PCDH15: variants seen among roughly 807,000 people sequenced by gnomAD.
The protein encoded by PCDH15 is protocadherin related 15.
In PCDH15, 129 loss-of-function variants were observed where a neutral mutation model predicts 178.5. The ratio of observed to expected loss-of-function variants is 0.72; its 90% confidence interval spans 0.63 to 0.84. The LOEUF is 0.84. Among genes scored for constraint, PCDH15 ranks in the 40% least tolerant of loss-of-function variants. The pLI, the probability that PCDH15 is intolerant of heterozygous loss-of-function variation, is 0.00. For synonymous variants in PCDH15, 800 were observed against 732.0 expected (o/e 1.09, Z -1.50); for missense variants, 2,230 against 2,099.9 (o/e 1.06, Z -1.21).
chr10:54,306,981 T>G (rs778769576), intron 8 of PCDH15, among the ~76,000 whole-genome samples: 13 of 136,624 alleles, frequency 9.5e-5, no homozygotes, highest in Non-Finnish European at 1.9e-4. Flanking sequence ...CCAGAGTCAT[T>G]TGGCTTGTTT....
Position 55,333,186 on chromosome 10 carries a change from T to C in PCDH15, c.-155-166535A>G, listed in dbSNP as rs141546365. Among the ~76,000 whole-genome samples the C allele has an allele frequency of 5.2e-3, 792 of 152,166 alleles. 11 individuals carry two copies. Among genetic ancestry groups the C allele is most frequent in the African/African-American group, 0.018 (746 of 41,526 alleles). ...TTAACATCATAATAAGAGAGAGAAC[T>C]CAGAATTTATGTGATTACCAATGCA... On this transcript the variant is annotated intron_variant, in intron 2 of 5. Coordinates refer to the PCDH15 transcript ENST00000613346.
intron 1 of PCDH15, among the ~76,000 whole-genome samples, chr10:54,721,520 T>G (rs57130810): frequency 0.12 from 18,519 of 151,858 alleles, 1,257 homozygotes; most frequent in African/African-American, 0.17. Flanking sequence ...AGAAGTACAA[T>G]GAGAAGTGGT....
intron 1 of PCDH15, among the ~76,000 whole-genome samples, chr10:55,301,351 T>C (rs1015737505): frequency 2.0e-5 from 3 of 152,170 alleles, no homozygotes; most frequent in African/African-American, 7.2e-5. Flanking sequence ...ATTTCCTTAA[T>C]GGCTAATGAC....
At chr10:55,187,261 C>A (rs1839824347) in intron 1 of PCDH15, among the ~76,000 whole-genome samples, 1 of 151,828 alleles carries the variant, frequency 6.6e-6, no homozygotes, top group African/African-American at 2.4e-5. Flanking sequence ...AGAGGATAAA[C>A]TCAGTATTAA....
intron 2 of PCDH15, among the ~76,000 whole-genome samples, chr10:55,434,610 A>G (rs1838989057): frequency 1.5e-5 from 1 of 64,846 alleles, no homozygotes. Flanking sequence ...TCATGACATT[A>G]ATTTTTTTTT....
At chr10:54,325,722 C>G (rs533519993) in intron 7 of PCDH15, among the ~76,000 whole-genome samples, 24 of 151,916 alleles carry the variant, frequency 1.6e-4, no homozygotes, top group Middle Eastern at 3.2e-3. Context: ...GCACTCTAGC[C>G]TGGGCAACAT....
At chr10:54,830,151 T>C (rs1249307762) in intron 3 of PCDH15, among the ~76,000 whole-genome samples, 1 of 152,168 alleles carries the variant, frequency 6.6e-6, no homozygotes, top group Non-Finnish European at 1.5e-5. Context: ...GTAAACTAGT[T>C]CAACCATTGT....
At chr10:55,107,650 C>G (rs1468498071) in intron 2 of PCDH15, among the ~76,000 whole-genome samples, 1 of 151,752 alleles carries the variant, frequency 6.6e-6, no homozygotes, top group Non-Finnish European at 1.5e-5. Context: ...CACCACCATG[C>G]CTGGCTAATT....
At chr10:55,284,673 C>T (rs1404621345) in intron 1 of PCDH15, among the ~76,000 whole-genome samples, 1 of 151,810 alleles carries the variant, frequency 6.6e-6, no homozygotes, top group Non-Finnish European at 1.5e-5. Context: ...CTTTACTATC[C>T]CACTGTTTGA....
chr10:54,847,871 T>G (rs1377988), intron 3 of PCDH15, among the ~76,000 whole-genome samples: 85,435 of 151,824 alleles, frequency 0.56, 24,499 homozygotes, highest in Middle Eastern at 0.71. Flanking sequence ...AACTGAGGAC[T>G]GCTAACCCAT....
At chr10:54,443,985 A>G (rs1009691503) in intron 3 of PCDH15, among the ~76,000 whole-genome samples, 1 of 151,722 alleles carries the variant, frequency 6.6e-6, no homozygotes, top group African/African-American at 2.4e-5. Context: ...GAATCTACAT[A>G]CAAAGTCTTC....
intron 1 of PCDH15, among the ~76,000 whole-genome samples, chr10:54,673,160 T>C (rs1188405355): frequency 6.6e-6 from 1 of 152,040 alleles, no homozygotes; most frequent in Non-Finnish European, 1.5e-5. Flanking sequence ...CCATGGTGGT[T>C]TGCTGCACCG....
intron 2 of PCDH15, among the ~76,000 whole-genome samples, chr10:54,986,961 T>C (rs1759786302): frequency 6.6e-6 from 1 of 152,158 alleles, no homozygotes; most frequent in African/African-American, 2.4e-5. Flanking sequence ...TAGATATACG[T>C]GTGCTATGGT....
In PCDH15 at chr10:55,199,653, G is replaced by A. The variant is rs186004459; in HGVS notation, c.-155-33002C>T. On this transcript the variant is annotated intron_variant, in intron 1 of 5. Transcript: ENST00000458638. ...CCAGGGCATTTCAGGGACCTTTGTG[G>A]CAGCCCCTCCCATCACAGACCTGGG... Among the ~76,000 whole-genome samples, 348 of 152,186 alleles carry A rather than the reference G, an allele frequency of 2.3e-3. 2 individuals carry two copies. Among genetic ancestry groups the A allele is most frequent in the Non-Finnish European group, 3.3e-3 (226 of 68,020 alleles).
intron 2 of PCDH15, among the ~76,000 whole-genome samples, chr10:54,603,270 C>T (rs2092615792): frequency 1.3e-5 from 2 of 151,870 alleles, no homozygotes. Flanking sequence ...AGTCTTCTCT[C>T]TCTCTTTGGT....
intron 2 of PCDH15, among the ~76,000 whole-genome samples, chr10:55,457,460 T>C (rs1290721478): frequency 1.3e-5 from 2 of 152,096 alleles, no homozygotes; most frequent in Non-Finnish European, 2.9e-5. Flanking sequence ...GATGCAAACA[T>C]GCATCGCTTT....
At chr10:54,666,096 G>T (rs542574675) in intron 1 of PCDH15, among the ~76,000 whole-genome samples, 6 of 151,910 alleles carry the variant, frequency 3.9e-5, no homozygotes, top group Admixed American at 6.6e-5. Context: ...CATTAAATAC[G>T]TAAGGGAATA....
At chr10:54,304,805 GAACT>G (rs1264153126) in intron 8 of PCDH15, among the ~76,000 whole-genome samples, 1 of 151,986 alleles carries the variant, frequency 6.6e-6, no homozygotes, top group East Asian at 1.9e-4. Flanking sequence ...AAAGCATCAT[GAACT>G]AACATCACTT....
intron 3 of PCDH15, among the ~76,000 whole-genome samples, chr10:54,525,749 C>T (rs187379766): frequency 8.3e-4 from 127 of 152,236 alleles, no homozygotes; most frequent in African/African-American, 2.6e-3. Flanking sequence ...ATGAGCCACC[C>T]AACATGGCCA....
Sources: gnomAD v4.1 joint callset for allele counts (sites outside exome capture counted in the v4.1 genomes callset) on GRCh38, gnomAD v4.1.1 for gene constraint, MANE v1.5 for transcripts, NCBI Gene and HGNC (gene_info 2026-07-23, HGNC 2026-07-21) for gene names.